The following KIF5B variants were observed in gnomAD, a reference collection of about 807,000 sequenced individuals.
KIF5B encodes the protein kinesin-1 heavy chain.
A neutral mutation model predicts 132.8 loss-of-function variants in KIF5B; 49 were observed. The ratio of observed to expected loss-of-function variants is 0.37; its 90% CI spans 0.29 to 0.47. The LOEUF is 0.47. Among genes scored for constraint, KIF5B ranks in the 20% least tolerant of loss-of-function variants. The pLI is 1.00. For missense variants in KIF5B, 780 were observed against 1,144.0 expected, an observed-to-expected ratio of 0.68 and a Z score of 4.59; for synonymous variants, 355 against 369.4, an observed-to-expected ratio of 0.96 and a Z score of 0.45.
chr10:32,048,324 T>C (rs988339678), intron 2 of KIF5B, 140 bp downstream of exon 2: 2 of 582,928 alleles, frequency 3.4e-6, no homozygotes, highest in African/African-American at 1.9e-5. Context: ...TTTGACCTTT[T>C]TATTATTTAA....
intron 19 of KIF5B, among the ~76,000 whole-genome samples, chr10:32,020,643 T>C (rs1841246569): frequency 6.6e-6 from 1 of 152,154 alleles, no homozygotes; most frequent in South Asian, 2.1e-4. Context: ...CAGCTGGTCT[T>C]GAACTCCTGA....
chr10:32,038,651 A>T, intron 5 of KIF5B, 127 bp downstream of exon 5: 2 of 633,244 alleles, frequency 3.2e-6, no homozygotes, highest in South Asian at 4.3e-5. Context: ...TAGAAGAAAA[A>T]AAATTTTGTC....
Position 32,033,787 on chromosome 10 carries a change from A to G in KIF5B, c.1305+58T>C, listed in dbSNP as rs1006007788. The G allele has an allele frequency of 5.9e-6, 7 of 1,188,742 alleles. No homozygotes were observed. The African/African-American group carries it at 7.9e-5, about 13-fold the overall frequency. 73.6% of individuals were successfully genotyped at this position (1,188,742 alleles called of 1,614,324 possible). A position where few individuals can be genotyped will look rare whatever the true frequency, so the allele number is the denominator to read the frequency against. On this transcript the variant is annotated intron_variant, in intron 12 of 25. Transcript: ENST00000302418. ...TGAAATGAGAAAAGTTAGAAAATAA[A>G]AACACCCATGTCAATAGTATCCTAA...
chr10:32,037,687 G>C, intron 6 of KIF5B, 80 bp from the exon 7 acceptor site: 1 of 1,056,638 alleles, frequency 9.5e-7, no homozygotes, highest in East Asian at 2.5e-5. Context: ...ACAAAAATTA[G>C]CCGGGCGCGG....
At chr10:32,033,394 C>T (rs1439691017) in intron 12 of KIF5B, among the ~76,000 whole-genome samples, 1 of 152,190 alleles carries the variant, frequency 6.6e-6, no homozygotes, top group African/African-American at 2.4e-5. Flanking sequence ...AGATCAGCAG[C>T]ATTAGAATAT....
At chr10:32,016,691 C>T (rs890963078) in intron 24 of KIF5B, among the ~76,000 whole-genome samples, 2 of 152,062 alleles carry the variant, frequency 1.3e-5, no homozygotes, top group African/African-American at 4.8e-5. Flanking sequence ...CAGGCGTTCA[C>T]CACCATGCCT....
chr10:32,037,119 T>A lies in KIF5B; in HGVS notation c.711+135A>T, dbSNP rs1450042397. The A allele has an allele frequency of 5.6e-6, 4 of 715,268 alleles. No homozygotes were observed. The South Asian group carries it at 7.3e-5, about 13-fold the overall frequency. The allele number at this position is 715,268 out of a possible 1,614,324, so 44.3% of individuals were successfully genotyped here. A position where few individuals can be genotyped will look rare whatever the true frequency, so the allele number is the denominator to read the frequency against. On this transcript the variant is annotated intron_variant, in intron 8 of 25. Coordinates refer to ENST00000302418, the MANE Select transcript of KIF5B (RefSeq NM_004521.3). Reference sequence around the variant, plus strand: ...CTGATATCATCATAAGGCACTGGCATCAGCGGTTACAAATCTCAGGTTACC... The same window carrying A: ...CTGATATCATCATAAGGCACTGGCAACAGCGGTTACAAATCTCAGGTTACC...
Position 32,039,365 on chromosome 10 carries a change from T to C in KIF5B, c.355A>G (p.Ile119Val). ...TCCAAATTTTCATCCATGGAGTAAA[T>C]ATAATTAAAAATATCTTGCACTATT... ...PRIVQDIFNY[I>V]YSMDENLEFH... Residue 119 changes from isoleucine to valine, a missense_variant, in exon 4 of 26, where the codon ATT becomes GTT. Transcript: ENST00000302418. The C allele has an allele frequency of 6.8e-7, 1 of 1,461,028 alleles. No homozygotes were observed. Among genetic ancestry groups the C allele is most frequent in the Non-Finnish European group, 9.4e-7 (1 of 1,063,900 alleles). 90.5% of individuals were successfully genotyped at this position (1,461,028 alleles called of 1,614,324 possible).
At chr10:32,019,987 A>G (rs545810557) in intron 19 of KIF5B, 28 bp from the exon 20 acceptor site, 9 of 1,385,302 alleles carry the variant, frequency 6.5e-6, no homozygotes, top group South Asian at 2.5e-5. Context: ...TAATTAACAC[A>G]GTATCAATAT....
intron 12 of KIF5B, among the ~76,000 whole-genome samples, chr10:32,033,546 G>C (rs978966623): frequency 6.6e-6 from 1 of 152,056 alleles, no homozygotes; most frequent in Non-Finnish European, 1.5e-5. Context: ...CGGAAAAACT[G>C]TCTTCCCTGA....
intron 2 of KIF5B, among the ~76,000 whole-genome samples, chr10:32,047,280 C>T (rs1841624554): frequency 6.6e-6 from 1 of 152,096 alleles, no homozygotes; most frequent in African/African-American, 2.4e-5. Flanking sequence ...CCTTTTTTCA[C>T]TGCCCTTCAG....
At chr10:32,038,053 T>C in intron 6 of KIF5B, 110 bp downstream of exon 6, 1 of 584,856 alleles carries the variant, frequency 1.7e-6, no homozygotes, top group East Asian at 2.9e-5. Flanking sequence ...GAGGTTGCAG[T>C]GAGCCGAGAT....
chr10:32,028,038 T>C (rs1841355330), intron 15 of KIF5B, among the ~76,000 whole-genome samples: 1 of 152,092 alleles, frequency 6.6e-6, no homozygotes, highest in Non-Finnish European at 1.5e-5. Flanking sequence ...AGTTGCACGA[T>C]TGCAGCTCAC....
At chr10:32,035,440 G>T in intron 10 of KIF5B, 82 bp downstream of exon 10, 1 of 1,209,788 alleles carries the variant, frequency 8.3e-7, no homozygotes, top group Non-Finnish European at 1.2e-6. Context: ...TGTACAGGTT[G>T]GAATAACAGC....
At chr10:32,029,204 AACAGAT>A (rs911024347) in intron 14 of KIF5B, among the ~76,000 whole-genome samples, 3 of 152,228 alleles carry the variant, frequency 2.0e-5, no homozygotes, top group Non-Finnish European at 4.4e-5. Context: ...CATATGGCAG[AACAGAT>A]ACAAGGTGAG....
At chr10:32,033,657 AC>A (rs1448056941) in intron 12 of KIF5B, among the ~76,000 whole-genome samples, 187 bp downstream of exon 12, 3 of 152,222 alleles carry the variant, frequency 2.0e-5, no homozygotes, top group African/African-American at 7.2e-5. Context: ...TACAGTTTCC[AC>A]ACAGAAATTG....
At chr10:32,055,826 G>A (rs755943431) in intron 1 of KIF5B, 22 bp downstream of exon 1, 65 of 1,609,564 alleles carry the variant, frequency 4.0e-5, no homozygotes, top group Non-Finnish European at 5.5e-5. Context: ...CGGGAGGAGG[G>A]ATGCCGGCGG....
chr10:32,052,274 C>T (rs1032088497), intron 1 of KIF5B, among the ~76,000 whole-genome samples: 15 of 152,242 alleles, frequency 9.9e-5, no homozygotes, highest in African/African-American at 3.4e-4. Flanking sequence ...GCTAACATTC[C>T]ACAACTGTAA....
chr10:32,031,322 G>C (rs920844717), intron 13 of KIF5B, 43 bp from the exon 14 acceptor site: 1 of 1,521,390 alleles, frequency 6.6e-7, no homozygotes, highest in Non-Finnish European at 9.0e-7. Context: ...AAGTATACAG[G>C]TTTTAAAAAA....
Sources: gnomAD v4.1 joint callset for allele counts (sites outside exome capture counted in the v4.1 genomes callset) on GRCh38, gnomAD v4.1.1 for gene constraint, MANE v1.5 for transcripts, NCBI Gene and HGNC (gene_info 2026-07-23, HGNC 2026-07-21) for gene names.